The following MRPL1 variants were observed in gnomAD, a reference collection of about 807,000 sequenced individuals.
MRPL1 encodes large ribosomal subunit protein uL1m.
A neutral mutation model predicts 38.0 loss-of-function variants in MRPL1; 28 were observed. That is an observed-to-expected ratio of 0.74 (90% confidence interval 0.55 to 1.01). The LOEUF (loss-of-function observed/expected upper bound fraction) is 1.01, where lower values mean the gene tolerates loss of function less well. Ranked by LOEUF, MRPL1 falls within the 50% of genes least tolerant of loss-of-function variation. MRPL1 has a pLI of 0.00. For missense variants in MRPL1, 358 were observed against 389.8 expected (o/e 0.92, Z 0.69); for synonymous variants, 123 against 126.7 (o/e 0.97, Z 0.20).
chr4:77,944,613 G>T (rs1218741618), intron 7 of MRPL1, among the ~76,000 whole-genome samples: 1 of 152,164 alleles, frequency 6.6e-6, no homozygotes, highest in Non-Finnish European at 1.5e-5. Flanking sequence ...TCCATGTGTT[G>T]CTTGACAGAG....
At position 77,909,286 on chromosome 4, in the gene MRPL1, C is replaced by T. The variant is rs1736232325; in HGVS notation, c.691C>T (p.Pro231Ser). 10 of 1,610,394 alleles carry T rather than the reference C, an allele frequency of 6.2e-6. No individual in the cohort carries two copies. Among genetic ancestry groups the T allele is most frequent in the Non-Finnish European group, 8.5e-6 (10 of 1,178,240 alleles). Residue 231 changes from proline to serine, a missense_variant, in exon 7 of 9, where the codon CCC becomes TCC. Transcript: ENST00000315567. ...LSRNSIGRDIPKMLELFKNGH... is the reference protein window; with the variant it reads ...LSRNSIGRDISKMLELFKNGH... ...ACTAGATTCCATTGGCCGTGACATCCCCAAAATGCTTGAATTATTTAAAAA... is the reference window on the plus strand; with the variant it reads ...ACTAGATTCCATTGGCCGTGACATCTCCAAAATGCTTGAATTATTTAAAAA...
At chr4:77,901,811 A>G (rs917551266) in intron 6 of MRPL1, among the ~76,000 whole-genome samples, 1 of 152,218 alleles carries the variant, frequency 6.6e-6, no homozygotes, top group African/African-American at 2.4e-5. Context: ...ACAGAAAATT[A>G]GTAAGGATAT....
At chr4:77,922,560 A>G (rs1736604014) in intron 7 of MRPL1, among the ~76,000 whole-genome samples, 2 of 152,244 alleles carry the variant, frequency 1.3e-5, no homozygotes, top group Admixed American at 1.3e-4. Flanking sequence ...GTCTTTTGCA[A>G]TAACCTTGGC....
At chr4:77,927,768 A>T (rs924685) in intron 7 of MRPL1, among the ~76,000 whole-genome samples, 81,802 of 151,808 alleles carry the variant, frequency 0.54, 22,395 homozygotes, top group Admixed American at 0.58. Context: ...CATTAAGTTA[A>T]AACATTAAAG....
chr4:77,865,849 T>C (rs1735130123), intron 1 of MRPL1, among the ~76,000 whole-genome samples: 1 of 152,196 alleles, frequency 6.6e-6, no homozygotes, highest in Non-Finnish European at 1.5e-5. Context: ...AAATTCATCC[T>C]TTAAGGACCT....
intron 7 of MRPL1, among the ~76,000 whole-genome samples, chr4:77,949,385 A>G (rs1255402662): frequency 1.3e-5 from 2 of 152,194 alleles, no homozygotes. Flanking sequence ...TGTAGCAAGC[A>G]GTTTTATTTT....
At chr4:77,896,149 CTT>C (rs527571244) in intron 6 of MRPL1, among the ~76,000 whole-genome samples, 31 of 127,376 alleles carry the variant, frequency 2.4e-4, no homozygotes, top group Middle Eastern at 4.2e-3. Flanking sequence ...TTTTAGCTTC[CTT>C]TTTTTTTTTT....
intron 2 of MRPL1, among the ~76,000 whole-genome samples, chr4:77,880,303 C>T (rs1159820753): frequency 6.6e-6 from 1 of 152,176 alleles, no homozygotes; most frequent in Non-Finnish European, 1.5e-5. Flanking sequence ...TCATGGCCCT[C>T]ATCCTTCATC....
At chr4:77,910,462 C>T (rs953610715) in intron 7 of MRPL1, among the ~76,000 whole-genome samples, 1 of 152,138 alleles carries the variant, frequency 6.6e-6, no homozygotes, top group African/African-American at 2.4e-5. Flanking sequence ...CGTGGTGAAA[C>T]CCCATCTCTA....
At chr4:77,925,010 C>G (rs909218980) in intron 7 of MRPL1, among the ~76,000 whole-genome samples, 29 of 152,192 alleles carry the variant, frequency 1.9e-4, no homozygotes, top group Admixed American at 5.9e-4. Flanking sequence ...AAGAACAGTA[C>G]AAAGAACACC....
chr4:77,863,098 G>T, intron 1 of MRPL1: 3 of 596,316 alleles, frequency 5.0e-6, no homozygotes, highest in Non-Finnish European at 5.8e-6. Context: ...GAGTGGGAGC[G>T]GGACGTACAT....
chr4:77,936,670 A>G (rs901327259), intron 7 of MRPL1, among the ~76,000 whole-genome samples: 4 of 152,146 alleles, frequency 2.6e-5, no homozygotes, highest in Non-Finnish European at 5.9e-5. Flanking sequence ...GGCCTGCAAA[A>G]CCTAAAATAT....
At chr4:77,911,021 G>GTT (rs755046552) in intron 7 of MRPL1, among the ~76,000 whole-genome samples, 39 of 152,310 alleles carry the variant, frequency 2.6e-4, no homozygotes, top group Admixed American at 1.1e-3. Context: ...AGAGACTTGA[G>GTT]TTTGAATACC....
intron 7 of MRPL1, among the ~76,000 whole-genome samples, chr4:77,910,415 G>T (rs2110248581): frequency 6.6e-6 from 1 of 152,264 alleles, no homozygotes; most frequent in African/African-American, 2.4e-5. Context: ...CAGGTCATCA[G>T]AAATATAGAA....
At chr4:77,883,176 G>C in intron 2 of MRPL1, 66 bp from the exon 3 acceptor site, 2 of 1,050,450 alleles carry the variant, frequency 1.9e-6, no homozygotes, top group Non-Finnish European at 2.6e-6. Flanking sequence ...ATGTACACTG[G>C]CTTTTTTTTT....
intron 7 of MRPL1, among the ~76,000 whole-genome samples, chr4:77,938,906 CT>C (rs1474771509): frequency 3.3e-5 from 5 of 152,198 alleles, no homozygotes; most frequent in Non-Finnish European, 1.5e-5. Flanking sequence ...TCATGGTCCC[CT>C]GATCCACCTT....
At chr4:77,927,176 T>C (rs376173005) in intron 7 of MRPL1, among the ~76,000 whole-genome samples, 10 of 152,336 alleles carry the variant, frequency 6.6e-5, no homozygotes, top group African/African-American at 2.4e-4. Flanking sequence ...TCTCACAGAA[T>C]AGTTTTTCAA....
At chr4:77,947,954 A>G (rs1230766423) in intron 7 of MRPL1, among the ~76,000 whole-genome samples, 15 of 152,206 alleles carry the variant, frequency 9.9e-5, no homozygotes, top group Admixed American at 9.8e-4. Context: ...ACTTAAATTG[A>G]TAAAATCATT....
chr4:77,885,524 G>A (rs537362092), intron 4 of MRPL1, among the ~76,000 whole-genome samples, 185 bp downstream of exon 4: 13 of 152,120 alleles, frequency 8.5e-5, no homozygotes, highest in South Asian at 2.1e-4. Context: ...GCACCACCAC[G>A]CCCAGCTAAT....
Sources: gnomAD v4.1 joint callset for allele counts (sites outside exome capture counted in the v4.1 genomes callset) on GRCh38, gnomAD v4.1.1 for gene constraint, MANE v1.5 for transcripts, NCBI Gene and HGNC (gene_info 2026-07-23, HGNC 2026-07-21) for gene names.